Variants in RNF150 observed in about 807,000 individuals in gnomAD.
The protein encoded by RNF150 is ring finger protein 150.
RNF150 carries 24 observed loss-of-function variants against 39.3 expected under a neutral mutation model. The ratio of observed to expected loss-of-function variants is 0.61; its 90% CI spans 0.44 to 0.86. RNF150 has a LOEUF of 0.86. Among genes scored for constraint, RNF150 ranks in the 40% least tolerant of loss-of-function variants. The pLI, the probability that RNF150 is intolerant of heterozygous loss-of-function variation, is 0.00. For synonymous variants in RNF150, 255 were observed against 227.3 expected (o/e 1.12, Z -1.10); for missense variants, 502 against 587.8 (o/e 0.85, Z 1.51).
chr4:140,862,307 CTG>C lies in RNF150; in HGVS notation c.*5952_*5953del, dbSNP rs1728521751. Reference sequence around the variant, plus strand: ...TCAGGTGGCCACAGAGCAAATGGCTCTGTATTAAGTGCAAACGTCAGTGGTAG... The same window carrying C: ...TCAGGTGGCCACAGAGCAAATGGCTCTATTAAGTGCAAACGTCAGTGGTAG... On this transcript the variant is annotated 3_prime_UTR_variant, in exon 7 of 7. Transcript: ENST00000515673. 2 of 152,260 alleles carry C rather than the reference CTG, an allele frequency of 1.3e-5. No individual in the cohort carries two copies. The highest frequency in any genetic ancestry group is 1.3e-4 in the Admixed American group (2 of 15,286). The allele number at this position is 152,260 out of a possible 1,614,324, so 9.4% of individuals were successfully genotyped here.
intron 1 of RNF150, among the ~76,000 whole-genome samples, chr4:141,108,300 C>A (rs1385662668): frequency 1.3e-5 from 2 of 152,168 alleles, no homozygotes; most frequent in Non-Finnish European, 2.9e-5. Flanking sequence ...GCACTGTTTT[C>A]TTAAAATTTT....
At chr4:140,887,346 T>C (rs1050377734) in intron 6 of RNF150, among the ~76,000 whole-genome samples, 1 of 152,250 alleles carries the variant, frequency 6.6e-6, no homozygotes, top group Non-Finnish European at 1.5e-5. Flanking sequence ...TAACGCACAA[T>C]GCTACGCAGT....
At chr4:140,888,077 A>C (rs1729640739) in intron 6 of RNF150, among the ~76,000 whole-genome samples, 1 of 152,182 alleles carries the variant, frequency 6.6e-6, no homozygotes, top group Non-Finnish European at 1.5e-5. Context: ...CCTGATTAAA[A>C]ACCTTAAGGA....
chr4:140,995,248 A>T (rs1233795055), intron 1 of RNF150, among the ~76,000 whole-genome samples: 1 of 152,146 alleles, frequency 6.6e-6, no homozygotes, highest in African/African-American at 2.4e-5. Flanking sequence ...GCTCAGGAAA[A>T]AATTCAAGGG....
chr4:141,040,569 T>C (rs1736319666), intron 1 of RNF150, among the ~76,000 whole-genome samples: 1 of 152,268 alleles, frequency 6.6e-6, no homozygotes, highest in Middle Eastern at 3.4e-3. Flanking sequence ...ATCAAATAAC[T>C]TATTGTCCAA....
At chr4:141,186,497 C>T (rs1251845979) in intron 1 of RNF150, among the ~76,000 whole-genome samples, 2 of 152,178 alleles carry the variant, frequency 1.3e-5, no homozygotes, top group African/African-American at 2.4e-5. Context: ...CTCCCGGGTT[C>T]GTGCCATTCT....
chr4:141,031,642 A>G (rs1223656120), intron 1 of RNF150, among the ~76,000 whole-genome samples: 4 of 152,176 alleles, frequency 2.6e-5, no homozygotes, highest in African/African-American at 9.6e-5. Context: ...GCCAACATGT[A>G]TATAAAAATG....
intron 6 of RNF150, among the ~76,000 whole-genome samples, chr4:140,899,756 G>A (rs1311908329): frequency 6.6e-6 from 1 of 152,126 alleles, no homozygotes; most frequent in African/African-American, 2.4e-5. Flanking sequence ...CTGGAGAGAT[G>A]TGGGGAGGAG....
intron 1 of RNF150, among the ~76,000 whole-genome samples, chr4:141,180,970 T>A (rs1310599258): frequency 6.6e-6 from 1 of 152,172 alleles, no homozygotes; most frequent in Non-Finnish European, 1.5e-5. Context: ...ATCATTATGG[T>A]GAGTTTTTTT....
chr4:141,149,951 C>T (rs1450409781), intron 1 of RNF150, among the ~76,000 whole-genome samples: 6 of 152,266 alleles, frequency 3.9e-5, no homozygotes, highest in East Asian at 1.9e-4. Context: ...TCAGGGCCCT[C>T]GCTTTTGGAC....
chr4:140,898,260 C>CA (rs1465425837), intron 6 of RNF150, among the ~76,000 whole-genome samples: 1 of 138,962 alleles, frequency 7.2e-6, no homozygotes, highest in Non-Finnish European at 1.5e-5. Flanking sequence ...GTTCACTTAA[C>CA]AAAAAAAATG....
chr4:140,956,027 G>A (rs529802143), intron 2 of RNF150, among the ~76,000 whole-genome samples: 200 of 152,148 alleles, frequency 1.3e-3, no homozygotes, highest in Non-Finnish European at 2.3e-3. Flanking sequence ...AACAGATCTG[G>A]TTTCCCTGGA....
chr4:141,148,850 A>C (rs1168086886), intron 1 of RNF150, among the ~76,000 whole-genome samples: 2 of 152,244 alleles, frequency 1.3e-5, no homozygotes, highest in East Asian at 3.9e-4. Flanking sequence ...CTTCTATCTC[A>C]GTCCAACTCA....
chr4:141,053,186 C>A (rs1736844797), intron 1 of RNF150, among the ~76,000 whole-genome samples: 1 of 152,154 alleles, frequency 6.6e-6, no homozygotes, highest in Admixed American at 6.6e-5. Context: ...TTAAAACTAT[C>A]AAAGCTTCTA....
intron 6 of RNF150, among the ~76,000 whole-genome samples, chr4:140,903,343 C>T (rs1227751584): frequency 6.6e-6 from 1 of 152,192 alleles, no homozygotes; most frequent in Non-Finnish European, 1.5e-5. Context: ...AACCCTCAGA[C>T]TCTGAATTTC....
At chr4:140,899,860 T>C (rs1370912162) in intron 6 of RNF150, among the ~76,000 whole-genome samples, 2 of 151,754 alleles carry the variant, frequency 1.3e-5, no homozygotes, top group Non-Finnish European at 2.9e-5. Context: ...AAACTTGCAG[T>C]GAGGACCACC....
intron 5 of RNF150, among the ~76,000 whole-genome samples, chr4:140,918,189 A>G (rs986773902): frequency 6.6e-6 from 1 of 152,200 alleles, no homozygotes; most frequent in Non-Finnish European, 1.5e-5. Flanking sequence ...AATAACTAAA[A>G]TCAGAGCAGA....
chr4:140,956,854 G>A (rs1732776087), intron 2 of RNF150, among the ~76,000 whole-genome samples: 2 of 151,996 alleles, frequency 1.3e-5, no homozygotes, highest in Non-Finnish European at 2.9e-5. Flanking sequence ...CTAGACATAT[G>A]TAGAAAGCTG....
chr4:141,036,857 A>G lies in RNF150; in HGVS notation c.485-68984T>C, dbSNP rs60815531. On this transcript the variant is annotated intron_variant, in intron 1 of 6. Coordinates refer to ENST00000515673, the MANE Select transcript of RNF150 (RefSeq NM_020724.2). ...CCCTAATATCTAACAGCATAGCACA[A>G]CTTAAACATATCCTTAATTGCAATT... Among the ~76,000 whole-genome samples, 220 of 152,338 alleles carry G rather than the reference A, an allele frequency of 1.4e-3. No individual in the cohort carries two copies. The East Asian group carries it at 0.033, about 23-fold the overall frequency.
Sources: gnomAD v4.1 joint callset for allele counts (sites outside exome capture counted in the v4.1 genomes callset) on GRCh38, gnomAD v4.1.1 for gene constraint, MANE v1.5 for transcripts, NCBI Gene and HGNC (gene_info 2026-07-23, HGNC 2026-07-21) for gene names.